TRIOBP: variants seen among roughly 807,000 people sequenced by gnomAD.
The protein encoded by TRIOBP is TRIO and F-actin-binding protein.
In TRIOBP, 169 loss-of-function variants were observed where a neutral mutation model predicts 238.8. That is an observed-to-expected ratio of 0.71 (90% CI 0.62 to 0.80). The LOEUF is 0.80. Ranked by LOEUF, TRIOBP falls within the 30% of genes least tolerant of loss-of-function variation. The pLI is 0.00. For missense variants in TRIOBP, 2,838 were observed against 3,122.6 expected (o/e 0.91, Z 2.17); for synonymous variants, 1,150 against 1,274.4 (o/e 0.90, Z 2.08).
chr22:37,700,771 A>G (rs1922603241), intron 2 of TRIOBP, among the ~76,000 whole-genome samples: 1 of 152,066 alleles, frequency 6.6e-6, no homozygotes, highest in African/African-American at 2.4e-5. Context: ...GGCTCACTGC[A>G]ACCTCCGCCT....
At chr22:37,714,292 C>T (rs944712960) in intron 5 of TRIOBP, among the ~76,000 whole-genome samples, 2 of 152,166 alleles carry the variant, frequency 1.3e-5, no homozygotes, top group African/African-American at 2.4e-5. Context: ...CTCCTAGGTC[C>T]GTTGAAGATG....
At chr22:37,735,536 C>A (rs1924629296) in intron 9 of TRIOBP, 94 bp downstream of exon 9, 1 of 1,406,176 alleles carries the variant, frequency 7.1e-7, no homozygotes, top group Non-Finnish European at 9.7e-7. Context: ...GTAGCCTAAG[C>A]TCCTGCATCC....
chr22:37,707,039 G>A (rs990617364), intron 3 of TRIOBP, among the ~76,000 whole-genome samples: 5 of 151,938 alleles, frequency 3.3e-5, no homozygotes, highest in Non-Finnish European at 7.4e-5. Context: ...AGGCCGAGGC[G>A]GGTGGATCAC....
chr22:37,757,754 G>A lies in TRIOBP; in HGVS notation c.5829G>A (p.Leu1943=). ...AGGCGGACGGGCAGCGTCAGGCCTTGGACTACGTGGAGCTCTCGCCGCTGA... is the reference window on the plus strand; with the variant it reads ...AGGCGGACGGGCAGCGTCAGGCCTTAGACTACGTGGAGCTCTCGCCGCTGA... ...PRKADGQRQA[L]DYVELSPLTQ... The change falls in exon 16 of 24, where the codon TTG becomes TTA. Residue 1943 remains leucine (L), a synonymous_variant. Coordinates refer to ENST00000644935, the MANE Select transcript of TRIOBP (RefSeq NM_001039141.3). The A allele has an allele frequency of 6.4e-7, 1 of 1,563,548 alleles. No individual in the cohort carries two copies. Among genetic ancestry groups the A allele is most frequent in the African/African-American group, 1.4e-5 (1 of 73,842 alleles).
Position 37,710,558 on chromosome 22 carries a change from G to A in TRIOBP, c.246G>A (p.Gly82=), listed in dbSNP as rs1191990301. ...TGGTGGACCCAGGCCTCAGGCCAGG[G>A]CCCAAGAGGTGGGTAGAGTCCCAGG... The part of the protein sequence containing the change: ...QSVVDPGLRP[G]PKRGPSPSAG... The change falls in exon 4 of 24, where the codon GGG becomes GGA. Residue 82 remains glycine, a synonymous_variant. Coordinates refer to ENST00000644935, the MANE Select transcript of TRIOBP (RefSeq NM_001039141.3). 6.2e-7 allele frequency: 1 copy of A among 1,610,448 alleles called. No homozygotes were observed. The highest frequency in any genetic ancestry group is 1.7e-5 in the Admixed American group (1 of 59,950).
At chr22:37,753,413 T>A (rs1416627353) in intron 12 of TRIOBP, among the ~76,000 whole-genome samples, 1 of 152,156 alleles carries the variant, frequency 6.6e-6, no homozygotes, top group African/African-American at 2.4e-5. Context: ...TAGCCGGGAT[T>A]ACAGGCATGC....
In TRIOBP at chr22:37,772,650, G is replaced by A. The variant is rs876657597; in HGVS notation, c.6986G>A (p.Ser2329Asn). 3.1e-6 allele frequency: 5 copies of A among 1,614,044 alleles called. No individual in the cohort carries two copies. The change falls in exon 23 of 24, where the codon AGC becomes AAC. Residue 2329 changes from serine to asparagine, a missense_variant. By Grantham distance (46) the Ser-to-Asn change is conservative. Coordinates refer to ENST00000644935, the MANE Select transcript of TRIOBP (RefSeq NM_001039141.3). ...GKYQDVYVEL[S>N]HIKTRSEREI... Reference sequence around the variant, plus strand: ...TACCAGGACGTCTATGTGGAGCTGAGCCACATCAAGACACGGTCTGAGCGG... The same window carrying A: ...TACCAGGACGTCTATGTGGAGCTGAACCACATCAAGACACGGTCTGAGCGG...
chr22:37,758,246 C>T, intron 16 of TRIOBP, 108 bp downstream of exon 16: 2 of 1,384,408 alleles, frequency 1.4e-6, no homozygotes, highest in Non-Finnish European at 2.0e-6. Context: ...ATGGGGAGCT[C>T]ACCCCTGATC....
At chr22:37,736,129 G>T (rs1035914147) in intron 9 of TRIOBP, among the ~76,000 whole-genome samples, 1 of 152,220 alleles carries the variant, frequency 6.6e-6, no homozygotes, top group Admixed American at 6.5e-5. Context: ...CACAGTAGGT[G>T]CTCGCCCTTC....
rs555348067 is a variant in TRIOBP at position 37,760,535 on chromosome 22, A to G, written c.6324+1271A>G. On this transcript the variant is annotated intron_variant, in intron 17 of 23. Transcript: ENST00000644935. ...CAGTGAAATATTTAGGAAGTAATAA[A>G]TTTGAGTATCTATTGCCTTGTCTTT... is the stretch of plus-strand genomic sequence containing the variant. 4.6e-5 allele frequency among the ~76,000 whole-genome samples: 7 copies of G among 152,330 alleles called. No individual in the cohort carries two copies. The South Asian group carries it at 1.2e-3, about 27-fold the overall frequency.
chr22:37,726,263 A>T lies in TRIOBP; in HGVS notation c.3707A>T (p.Asp1236Val). 1 of 1,606,656 alleles carries T rather than the reference A, an allele frequency of 6.2e-7. No homozygotes were observed. The highest frequency in any genetic ancestry group is 1.3e-5 in the African/African-American group (1 of 74,852). ...TCCCCACCCCGCCACCCACCCAGTG[A>T]CCTAGCGTTCCTGGCACCCTCACCT... Reference protein sequence around the residue: ...ASSPPRHPPSDLAFLAPSPSP... With the variant: ...ASSPPRHPPSVLAFLAPSPSP... Residue 1236 changes from aspartate (D) to valine (V), a missense_variant, in exon 7 of 24, where the codon GAC (aspartate) becomes GTC (valine). Asp to Val is a radical substitution (Grantham distance 152, BLOSUM62 -3). Coordinates refer to ENST00000644935, the MANE Select transcript of TRIOBP (RefSeq NM_001039141.3).
chr22:37,770,947 G>A (rs1404872806), intron 21 of TRIOBP, among the ~76,000 whole-genome samples: 1 of 152,168 alleles, frequency 6.6e-6, no homozygotes, highest in Non-Finnish European at 1.5e-5. Flanking sequence ...CTCCCAAAGT[G>A]CTGGGATTAC....
At chr22:37,747,853 C>T (rs1925364376) in intron 11 of TRIOBP, among the ~76,000 whole-genome samples, 2 of 152,352 alleles carry the variant, frequency 1.3e-5, no homozygotes, top group South Asian at 2.1e-4. Flanking sequence ...AATTTGTATC[C>T]AGGTCCGTTC....
intron 17 of TRIOBP, among the ~76,000 whole-genome samples, chr22:37,762,059 C>T (rs1569060404): frequency 6.6e-6 from 1 of 152,100 alleles, no homozygotes; most frequent in South Asian, 2.1e-4. Flanking sequence ...GCTTCATCTT[C>T]CTCCATTTTA....
chr22:37,697,711 G>T lies in TRIOBP; in HGVS notation c.-61+15G>T. 1 of 152,502 alleles carries T rather than the reference G, an allele frequency of 6.6e-6. No individual in the cohort carries two copies. Among genetic ancestry groups the T allele is most frequent in the East Asian group, 1.9e-4 (1 of 5,178 alleles). 9.4% of individuals were successfully genotyped at this position (152,502 alleles called of 1,614,324 possible). A position where few individuals can be genotyped will look rare whatever the true frequency, so the allele number is the denominator to read the frequency against. On this transcript the variant is annotated intron_variant, in intron 2 of 23. Transcript: ENST00000644935. Reference sequence around the variant, plus strand: ...GAACACAGCAGGTGAGGATGGATGTGGGCAGGTGACCTGGGGGCACCAAAA... The same window carrying T: ...GAACACAGCAGGTGAGGATGGATGTTGGCAGGTGACCTGGGGGCACCAAAA...
In TRIOBP at chr22:37,751,844, C is replaced by A. The variant is rs1216251961; in HGVS notation, c.5379+16C>A. 1.2e-6 allele frequency: 2 copies of A among 1,609,908 alleles called. No individual in the cohort carries two copies. ...GCCTGGAGAGGTAAGAGGACTGAGG[C>A]CGGAGGGGAGGAAGCTGGCTTGTGC... On this transcript the variant is annotated intron_variant, in intron 12 of 23. Coordinates refer to ENST00000644935, the MANE Select transcript of TRIOBP (RefSeq NM_001039141.3).
chr22:37,718,380 G>A (rs1294887066), intron 6 of TRIOBP, among the ~76,000 whole-genome samples: 1 of 152,250 alleles, frequency 6.6e-6, no homozygotes, highest in Admixed American at 6.5e-5. Context: ...GGCTGTGAGG[G>A]CCGCCAGCAT....
chr22:37,731,657 A>C (rs894491380), intron 7 of TRIOBP, among the ~76,000 whole-genome samples: 4 of 150,918 alleles, frequency 2.7e-5, no homozygotes, highest in Non-Finnish European at 5.9e-5. Flanking sequence ...GGGTTTCACT[A>C]TGTTGACCAG....
intron 3 of TRIOBP, among the ~76,000 whole-genome samples, chr22:37,704,217 A>G (rs1201175780): frequency 1.3e-5 from 2 of 152,128 alleles, no homozygotes; most frequent in African/African-American, 4.8e-5. Context: ...CCCCATCTCT[A>G]CAAAAAATTT....
Sources: allele counts gnomAD v4.1 joint callset (sites outside exome capture counted in the v4.1 genomes callset), GRCh38; gene constraint gnomAD v4.1.1; transcripts MANE v1.5; gene names NCBI Gene and HGNC (gene_info 2026-07-23, HGNC 2026-07-21).